The following HDGFL3 variants were observed in gnomAD, a reference collection of about 807,000 sequenced individuals.
HDGFL3 encodes hepatoma-derived growth factor-related protein 3.
In HDGFL3, 6 loss-of-function variants were observed where a neutral mutation model predicts 27.6. That is an observed-to-expected ratio of 0.22 (90% CI 0.12 to 0.43). The LOEUF is 0.43. Ranked by LOEUF, HDGFL3 falls within the 20% of genes least tolerant of loss-of-function variation. The pLI, the probability that HDGFL3 is intolerant of heterozygous loss-of-function variation, is 1.00. For missense variants in HDGFL3, 207 were observed against 250.1 expected, an observed-to-expected ratio of 0.83 and a Z score of 1.16; for synonymous variants, 88 against 88.9, an observed-to-expected ratio of 0.99 and a Z score of 0.05.
At chr15:83,197,614 G>C (rs2037587085) in intron 1 of HDGFL3, among the ~76,000 whole-genome samples, 1 of 152,142 alleles carries the variant, frequency 6.6e-6, no homozygotes, top group Non-Finnish European at 1.5e-5. Flanking sequence ...CTTCACAAAA[G>C]CTCATCATCT....
intron 1 of HDGFL3, among the ~76,000 whole-genome samples, chr15:83,170,374 T>C (rs543381453): frequency 2.0e-5 from 3 of 152,030 alleles, no homozygotes; most frequent in East Asian, 1.9e-4. Flanking sequence ...AACAGACACA[T>C]AGACCAATAG....
intron 1 of HDGFL3, among the ~76,000 whole-genome samples, chr15:83,170,060 G>T (rs1401200741): frequency 6.6e-6 from 1 of 152,164 alleles, no homozygotes; most frequent in Non-Finnish European, 1.5e-5. Context: ...ACTGCTAAAA[G>T]AAATCACCGA....
intron 4 of HDGFL3, among the ~76,000 whole-genome samples, chr15:83,155,172 T>G (rs1212379167): frequency 1.3e-5 from 2 of 152,252 alleles, no homozygotes; most frequent in African/African-American, 4.8e-5. Context: ...GCCAAAAGGC[T>G]ATTAAATGAT....
At position 83,138,675 on chromosome 15, in the gene HDGFL3, CAA is replaced by C. The variant is rs2036705875; in HGVS notation, c.*593_*594del. ...ATAGAAACTTAGTTTGTGTACATAA[CAA>C]TATGAATTTTGAGAAGTATAAGCTG... On this transcript the variant is annotated 3_prime_UTR_variant, in exon 6 of 6. Coordinates refer to ENST00000299633, the MANE Select transcript of HDGFL3 (RefSeq NM_016073.4). The C allele has an allele frequency of 6.6e-6, 1 of 152,452 alleles. No individual in the cohort carries two copies. The highest frequency in any genetic ancestry group is 2.4e-5 in the African/African-American group (1 of 41,408). The allele number at this position is 152,452 out of a possible 1,614,324, so 9.4% of individuals were successfully genotyped here. A position where few individuals can be genotyped will look rare whatever the true frequency, so the allele number is the denominator to read the frequency against.
chr15:83,116,157 A>G (rs766679511), intron 3 of HDGFL3, among the ~76,000 whole-genome samples: 21 of 152,200 alleles, frequency 1.4e-4, no homozygotes, highest in Non-Finnish European at 2.5e-4. Context: ...TTCAGCTCTC[A>G]CGGCTTCTCT....
chr15:83,174,555 G>A (rs960433809), intron 1 of HDGFL3, among the ~76,000 whole-genome samples: 7 of 149,610 alleles, frequency 4.7e-5, no homozygotes, highest in Admixed American at 2.7e-4. Flanking sequence ...TAAAAAACAC[G>A]ACATAAAATG....
At chr15:83,172,450 A>G (rs1161654800) in intron 1 of HDGFL3, among the ~76,000 whole-genome samples, 1 of 152,214 alleles carries the variant, frequency 6.6e-6, no homozygotes, top group Non-Finnish European at 1.5e-5. Flanking sequence ...CTAATAGCCT[A>G]TGAAGCCTTA....
chr15:83,200,562 T>C (rs2037632568), intron 1 of HDGFL3, among the ~76,000 whole-genome samples: 1 of 152,230 alleles, frequency 6.6e-6, no homozygotes, highest in African/African-American at 2.4e-5. Context: ...TGGGAGATAA[T>C]TATTTAGTAA....
intron 5 of HDGFL3, among the ~76,000 whole-genome samples, chr15:83,143,887 G>A (rs948338080): frequency 1.3e-5 from 2 of 152,074 alleles, no homozygotes; most frequent in Non-Finnish European, 2.9e-5. Flanking sequence ...CAGTTGTGTG[G>A]TAGCCTTGTG....
chr15:83,154,549 T>C (rs191791657), intron 4 of HDGFL3, among the ~76,000 whole-genome samples: 91 of 152,280 alleles, frequency 6.0e-4, no homozygotes, highest in African/African-American at 2.2e-3. Context: ...TTCAACAATG[T>C]TTCTATTTTA....
At chr15:83,147,355 T>C (rs1225436531) in intron 5 of HDGFL3, among the ~76,000 whole-genome samples, 1 of 152,138 alleles carries the variant, frequency 6.6e-6, no homozygotes, top group African/African-American at 2.4e-5. Context: ...CCACCGCACC[T>C]GGCCCTACCT....
In HDGFL3 at chr15:83,151,314, T is replaced by C. The variant is rs1175268372; in HGVS notation, c.507A>G (p.Lys169=). 2.0e-5 allele frequency: 32 copies of C among 1,613,394 alleles called. No individual in the cohort carries two copies. Among genetic ancestry groups the C allele is most frequent in the Non-Finnish European group, 2.6e-5 (31 of 1,179,700 alleles). The change falls in exon 5 of 6, where the codon AAA becomes AAG. Residue 169 remains lysine, a synonymous_variant. Coordinates refer to ENST00000299633, the MANE Select transcript of HDGFL3 (RefSeq NM_016073.4). ...SRKSPGDEDD[K]DCKEEENKSS... Reference sequence around the variant, plus strand: ...TTTTGTTTTCCTCTTCTTTGCAGTCTTTGTCATCTTCATCTCCTGGAGATT... The same window carrying C: ...TTTTGTTTTCCTCTTCTTTGCAGTCCTTGTCATCTTCATCTCCTGGAGATT...
intron 1 of HDGFL3, among the ~76,000 whole-genome samples, chr15:83,197,720 C>G (rs1170702103): frequency 1.3e-5 from 2 of 152,106 alleles, no homozygotes; most frequent in African/African-American, 4.8e-5. Flanking sequence ...GTTTGTCAAA[C>G]ACTGTATATA....
intron 5 of HDGFL3, chr15:83,144,827 A>C (rs1212948516): frequency 3.2e-6 from 1 of 310,342 alleles, no homozygotes; most frequent in Non-Finnish European, 6.3e-6. Context: ...TCTTGAAAAG[A>C]TGAGATAATA....
chr15:83,155,522 C>T (rs1394989187), intron 4 of HDGFL3, among the ~76,000 whole-genome samples: 1 of 152,114 alleles, frequency 6.6e-6, no homozygotes, highest in Non-Finnish European at 1.5e-5. Context: ...AGAAATTCAG[C>T]TTAAAAAAGT....
intron 2 of HDGFL3, among the ~76,000 whole-genome samples, chr15:83,160,688 A>C (rs1383702809): frequency 2.0e-5 from 3 of 152,166 alleles, no homozygotes; most frequent in African/African-American, 7.2e-5. Context: ...CTGGAGATGT[A>C]AATTTGGAAA....
At position 83,183,979 on chromosome 15, in the gene HDGFL3, G is replaced by T. The variant is rs568204461; in HGVS notation, c.85-19904C>A. The stretch of plus-strand genomic sequence containing the variant: ...TATATATTTCATTTTAATGGGAAAA[G>T]AATTCACTGCTTTACTCAGATCTTC... On this transcript the variant is annotated intron_variant, in intron 1 of 5. Coordinates refer to ENST00000299633, the MANE Select transcript of HDGFL3 (RefSeq NM_016073.4). Among the ~76,000 whole-genome samples, 66 of 152,190 alleles carry T rather than the reference G, an allele frequency of 4.3e-4. 2 individuals are homozygous for T. The South Asian group carries it at 7.9e-3, about 18-fold the overall frequency.
chr15:83,182,987 G>T (rs540353499), intron 1 of HDGFL3, among the ~76,000 whole-genome samples: 1 of 152,302 alleles, frequency 6.6e-6, no homozygotes, highest in Admixed American at 6.5e-5. Context: ...TTCAACTTTT[G>T]TGTATATTTG....
In HDGFL3 at chr15:83,133,746, G is replaced by A. The variant is rs1010066219; in HGVS notation, c.*5524C>T. 4 of 152,262 alleles carry A rather than the reference G, an allele frequency of 2.6e-5. No homozygotes were observed. Among genetic ancestry groups the A allele is most frequent in the Non-Finnish European group, 2.9e-5 (2 of 68,078 alleles). 9.4% of individuals were successfully genotyped at this position (152,262 alleles called of 1,614,324 possible). On this transcript the variant is annotated 3_prime_UTR_variant, in exon 6 of 6. Coordinates refer to ENST00000299633, the MANE Select transcript of HDGFL3 (RefSeq NM_016073.4). The stretch of plus-strand genomic sequence containing the variant: ...CTTGTGCTGCTGGGAACATCACCCA[G>A]GAGAAAACCTGCAGCCCTTTATTAG...
Sources: allele counts gnomAD v4.1 joint callset (sites outside exome capture counted in the v4.1 genomes callset), GRCh38; gene constraint gnomAD v4.1.1; transcripts MANE v1.5; gene names NCBI Gene and HGNC (gene_info 2026-07-23, HGNC 2026-07-21).